HYDIN: variants seen among roughly 807,000 people sequenced by gnomAD.
HYDIN encodes axonemal central pair apparatus protein HYDIN.
In HYDIN, 132 loss-of-function variants were observed where a neutral mutation model predicts 403.9. The observed-to-expected ratio is 0.33, with a 90% CI of 0.28 to 0.38. The LOEUF is 0.38. HYDIN is among the 10% of genes least tolerant of loss of function. The probability of loss-of-function intolerance (pLI) is 1.00; values close to 1 mark genes in which losing one functional copy is unlikely to be tolerated. For synonymous variants in HYDIN, 1,202 were observed against 1,891.7 expected (o/e 0.64, Z 9.46); for missense variants, 2,827 against 5,009.5 (o/e 0.56, Z 13.15).
intron 10 of HYDIN, among the ~76,000 whole-genome samples, chr16:71,096,359 T>C (rs1373887109): frequency 6.6e-6 from 1 of 152,210 alleles, no homozygotes; most frequent in African/African-American, 2.4e-5. Context: ...ATTTATCCTT[T>C]CAGGGGCTTG....
intron 13 of HYDIN, among the ~76,000 whole-genome samples, chr16:71,078,383 T>C (rs866806953): frequency 1.3e-5 from 2 of 152,176 alleles, no homozygotes; most frequent in African/African-American, 4.8e-5. Flanking sequence ...CCCCAACTCA[T>C]CCATTTCTCC....
intron 18 of HYDIN, among the ~76,000 whole-genome samples, chr16:71,034,139 G>A: frequency 6.6e-6 from 1 of 152,000 alleles, no homozygotes; most frequent in Non-Finnish European, 1.5e-5. Flanking sequence ...GCATACAGTA[G>A]AAAACAATGG....
At chr16:70,839,827 C>T (rs1333912973) in intron 76 of HYDIN, among the ~76,000 whole-genome samples, 1 of 140,758 alleles carries the variant, frequency 7.1e-6, no homozygotes, top group East Asian at 2.1e-4. Context: ...CTCATTAGGT[C>T]CTTTGGCATT....
intron 41 of HYDIN, among the ~76,000 whole-genome samples, chr16:70,945,090 T>C (rs888206447): frequency 2.2e-4 from 33 of 152,298 alleles, no homozygotes; most frequent in African/African-American, 7.7e-4. Flanking sequence ...ACTCGTCACA[T>C]GAGGTGACAT....
rs1324014207 is a variant in HYDIN at position 70,855,443 on chromosome 16, G to T, written c.12296-168C>A. On this transcript the variant is annotated intron_variant, in intron 72 of 85. Transcript: ENST00000393567. ...CTCTACAAGTCACCTTCCTTCTTTC[G>T]GGGATTCCATGTCTTTCTTCATCAG... is the stretch of plus-strand genomic sequence containing the variant. Among the ~76,000 whole-genome samples the T allele has an allele frequency of 2.0e-5, 3 of 152,276 alleles. No individual in the cohort carries two copies. The South Asian group carries it at 6.2e-4, about 31-fold the overall frequency.
chr16:70,833,549 G>T (rs2037162971), intron 79 of HYDIN, among the ~76,000 whole-genome samples: 1 of 134,312 alleles, frequency 7.4e-6, no homozygotes. Context: ...CCATGGCCCT[G>T]TGTGGTCCTC....
intron 84 of HYDIN, among the ~76,000 whole-genome samples, chr16:70,811,887 A>C (rs2035532646): frequency 8.0e-6 from 1 of 124,786 alleles, no homozygotes; most frequent in Non-Finnish European, 1.7e-5. Context: ...ACCCAAGAAC[A>C]TATAGAAAAT....
chr16:71,115,198 T>C (rs2083974961), intron 10 of HYDIN, among the ~76,000 whole-genome samples: 1 of 151,864 alleles, frequency 6.6e-6, no homozygotes, highest in South Asian at 2.1e-4. Flanking sequence ...TTCCCCCTTG[T>C]TGTTTTTGTG....
chr16:71,062,014 C>G (rs576388626), intron 17 of HYDIN, among the ~76,000 whole-genome samples, 155 bp downstream of exon 17: 1 of 152,086 alleles, frequency 6.6e-6, no homozygotes, highest in African/African-American at 2.4e-5. Context: ...CACATAGCAC[C>G]GGTATTTTAC....
chr16:71,180,319 A>T (rs2086845915), intron 3 of HYDIN, among the ~76,000 whole-genome samples: 1 of 152,134 alleles, frequency 6.6e-6, no homozygotes, highest in Non-Finnish European at 1.5e-5. Flanking sequence ...TGGCACAAGA[A>T]GAAACAGAAC....
chr16:71,100,459 C>T (rs926621435), intron 10 of HYDIN, among the ~76,000 whole-genome samples: 8 of 151,998 alleles, frequency 5.3e-5, no homozygotes, highest in Non-Finnish European at 1.0e-4. Flanking sequence ...GAAGGAAAAA[C>T]AAATTGGGAG....
At chr16:71,109,546 T>C (rs1184289900) in intron 10 of HYDIN, among the ~76,000 whole-genome samples, 1 of 127,724 alleles carries the variant, frequency 7.8e-6, no homozygotes, top group Non-Finnish European at 1.5e-5. Context: ...TCATTGAAGA[T>C]AATAGTAAGG....
chr16:70,847,371 T>C (rs2038286145), intron 75 of HYDIN, among the ~76,000 whole-genome samples: 1 of 152,238 alleles, frequency 6.6e-6, no homozygotes. Flanking sequence ...CCTATGCAGT[T>C]ACCTTTACTG....
chr16:70,893,025 G>A (rs988119462), intron 55 of HYDIN, among the ~76,000 whole-genome samples: 32 of 152,180 alleles, frequency 2.1e-4, no homozygotes, highest in African/African-American at 7.2e-4. Flanking sequence ...TCATGAGACC[G>A]GCAGAGGGAC....
rs2076975230 is a variant in HYDIN at position 70,920,872 on chromosome 16, A to G, written c.7504T>C (p.Leu2502=). Residue 2502 remains leucine (L), a synonymous_variant, in exon 46 of 86, where the codon TTG becomes CTG. Transcript: ENST00000393567. ...HEPDDQRQVP[L]GGRRGRKDRE... ...TCCTTGCGGCCCCTGCGCCCACCCAAGGGGACCTGGCGCTGGTCGTCGGGC... is the reference window on the plus strand; with the variant it reads ...TCCTTGCGGCCCCTGCGCCCACCCAGGGGGACCTGGCGCTGGTCGTCGGGC... The G allele has an allele frequency of 1.9e-6, 3 of 1,607,008 alleles. No homozygotes were observed. Among genetic ancestry groups the G allele is most frequent in the Non-Finnish European group, 2.6e-6 (3 of 1,176,428 alleles).
At position 71,226,568 on chromosome 16, in the gene HYDIN, T is replaced by A. The variant is rs554836653; in HGVS notation, c.-24+3994A>T. ...CACAAAACATAAAAGAAAAAATTAG[T>A]AAGATTAGACTTCATCAAAACTTTT... On this transcript the variant is annotated intron_variant, in intron 1 of 85. Coordinates refer to ENST00000393567, the MANE Select transcript of HYDIN (RefSeq NM_001270974.2). Among the ~76,000 whole-genome samples, 9 of 152,350 alleles carry A rather than the reference T, an allele frequency of 5.9e-5. No homozygotes were observed. In the South Asian group the frequency reaches 1.9e-3, roughly 32 times the overall value.
chr16:70,871,455 T>C (rs1442376931), intron 65 of HYDIN, among the ~76,000 whole-genome samples: 3 of 152,162 alleles, frequency 2.0e-5, no homozygotes, highest in Non-Finnish European at 2.9e-5. Flanking sequence ...TTCTAGAACG[T>C]TATCCTAGGC....
At position 70,859,871 on chromosome 16, in the gene HYDIN, C is replaced by A. The variant is rs867902745; in HGVS notation, c.12129+197G>T. 2.0e-5 allele frequency among the ~76,000 whole-genome samples: 3 copies of A among 152,052 alleles called. No individual in the cohort carries two copies. In the South Asian group the frequency reaches 6.2e-4, roughly 31 times the overall value. On this transcript the variant is annotated intron_variant, in intron 71 of 85. Coordinates refer to ENST00000393567, the MANE Select transcript of HYDIN (RefSeq NM_001270974.2). ...GAGCTCTCTGCTTCTCCATGGCTAGCCAAGAGAGCTCAGGTCTGTCTTGTC... is the reference window on the plus strand; with the variant it reads ...GAGCTCTCTGCTTCTCCATGGCTAGACAAGAGAGCTCAGGTCTGTCTTGTC...
At chr16:70,981,924 C>A (rs1021425048) in intron 28 of HYDIN, among the ~76,000 whole-genome samples, 2 of 151,822 alleles carry the variant, frequency 1.3e-5, no homozygotes, top group African/African-American at 4.8e-5. Context: ...GTCAGGAGAT[C>A]GAGACTATCC....
Sources: allele counts gnomAD v4.1 joint callset (sites outside exome capture counted in the v4.1 genomes callset), GRCh38; gene constraint gnomAD v4.1.1; transcripts MANE v1.5; gene names NCBI Gene and HGNC (gene_info 2026-07-23, HGNC 2026-07-21).